Variants in RBFOX1 observed in about 807,000 individuals in gnomAD.
RBFOX1 encodes RNA binding fox-1 homolog 1, also known as RNA binding protein fox-1 homolog 1.
RBFOX1 carries 8 observed loss-of-function variants against 57.7 expected under a neutral mutation model. The ratio of observed to expected loss-of-function variants is 0.14; its 90% confidence interval spans 0.08 to 0.25. The LOEUF is 0.25. RBFOX1 is among the 10% of genes least tolerant of loss of function. The pLI, the probability that RBFOX1 is intolerant of heterozygous loss-of-function variation, is 1.00. For synonymous variants in RBFOX1, 326 were observed against 222.4 expected, an observed-to-expected ratio of 1.47 and a Z score of -4.15; for missense variants, 611 against 548.5, an observed-to-expected ratio of 1.11 and a Z score of -1.14.
intron 1 of RBFOX1, among the ~76,000 whole-genome samples, chr16:6,053,205 C>A (rs117988934): frequency 1.3e-5 from 2 of 152,138 alleles, no homozygotes; most frequent in Non-Finnish European, 1.5e-5. Context: ...CCGAGGGCTC[C>A]TGATGTAACT....
chr16:5,459,383 A>T (rs1175419090), intron 1 of RBFOX1, among the ~76,000 whole-genome samples: 1 of 152,076 alleles, frequency 6.6e-6, no homozygotes, highest in East Asian at 1.9e-4. Flanking sequence ...CCCCAGGTGG[A>T]TTTTGACACA....
At chr16:5,653,287 C>T (rs1234991691) in intron 3 of RBFOX1, among the ~76,000 whole-genome samples, 6 of 149,970 alleles carry the variant, frequency 4.0e-5, no homozygotes, top group East Asian at 2.0e-4. Context: ...GGTGCTGAGC[C>T]GTGTGCTGGG....
intron 1 of RBFOX1, among the ~76,000 whole-genome samples, chr16:6,277,964 A>G (rs942214600): frequency 2.9e-4 from 44 of 152,288 alleles, no homozygotes; most frequent in African/African-American, 1.0e-3. Flanking sequence ...TTTAATTCCA[A>G]GTAATCATTG....
chr16:5,940,875 A>C (rs1253870390), intron 4 of RBFOX1, among the ~76,000 whole-genome samples: 2 of 152,116 alleles, frequency 1.3e-5, no homozygotes, highest in East Asian at 3.9e-4. Context: ...CCCTGCGTTT[A>C]CATGTTGGGC....
chr16:5,561,836 A>T (rs1212733049), intron 2 of RBFOX1, among the ~76,000 whole-genome samples: 1 of 152,036 alleles, frequency 6.6e-6, no homozygotes, highest in Non-Finnish European at 1.5e-5. Flanking sequence ...TCCTTTTGCA[A>T]TTTAAGTTTA....
chr16:5,343,167 C>G (rs77894956), intron 1 of RBFOX1, among the ~76,000 whole-genome samples: 4,829 of 152,222 alleles, frequency 0.032, 112 homozygotes, highest in South Asian at 0.08. Flanking sequence ...CATTCATTGG[C>G]TACTCAAGAT....
intron 1 of RBFOX1, among the ~76,000 whole-genome samples, chr16:6,099,329 A>G (rs114606534): frequency 3.0e-4 from 45 of 152,316 alleles, no homozygotes; most frequent in African/African-American, 9.6e-4. Flanking sequence ...TAAAGGGTCT[A>G]TGAGAACACA....
intron 2 of RBFOX1, among the ~76,000 whole-genome samples, chr16:6,493,691 CTGAACTTCA>C (rs1320696528): frequency 2.6e-5 from 4 of 152,262 alleles, no homozygotes; most frequent in Non-Finnish European, 5.9e-5. Context: ...TTATCTCAAA[CTGAACTTCA>C]TACCTTGGGA....
chr16:7,422,825 T>G (rs1382327745), intron 4 of RBFOX1: 1 of 152,206 alleles, frequency 6.6e-6, no homozygotes, highest in East Asian at 1.9e-4. Context: ...ATTATTAATT[T>G]CCCATCCCCT....
intron 1 of RBFOX1, among the ~76,000 whole-genome samples, chr16:5,311,253 T>C (rs1206687723): frequency 6.6e-6 from 1 of 152,186 alleles, no homozygotes; most frequent in Non-Finnish European, 1.5e-5. Flanking sequence ...ATCACACACA[T>C]ATACACACAC....
intron 2 of RBFOX1, among the ~76,000 whole-genome samples, chr16:6,603,467 C>A (rs1350067691): frequency 6.6e-6 from 1 of 152,156 alleles, no homozygotes. Context: ...GATTTAAGAA[C>A]CTTGCTCTTG....
chr16:6,950,561 G>A (rs778696981), intron 3 of RBFOX1, among the ~76,000 whole-genome samples: 5 of 152,214 alleles, frequency 3.3e-5, no homozygotes, highest in Non-Finnish European at 7.3e-5. Flanking sequence ...AAATGAATGT[G>A]TGTTAGGAGA....
At chr16:7,447,424 C>G (rs1481672218) in intron 4 of RBFOX1, among the ~76,000 whole-genome samples, 1 of 98,850 alleles carries the variant, frequency 1.0e-5, no homozygotes, top group Non-Finnish European at 1.9e-5. Flanking sequence ...CCGAGTGAGT[C>G]TATCTCAAAA....
chr16:7,160,732 T>A (rs1202726122), intron 4 of RBFOX1, among the ~76,000 whole-genome samples: 2 of 152,064 alleles, frequency 1.3e-5, no homozygotes, highest in African/African-American at 4.8e-5. Context: ...AGGCAGTTTC[T>A]TAACATAGGT....
intron 1 of RBFOX1, among the ~76,000 whole-genome samples, chr16:5,465,503 G>T (rs2068924729): frequency 6.6e-6 from 1 of 152,170 alleles, no homozygotes; most frequent in African/African-American, 2.4e-5. Context: ...AAGGCTGGGA[G>T]AAACAGCTCA....
intron 3 of RBFOX1, among the ~76,000 whole-genome samples, chr16:6,976,691 T>C (rs2086946665): frequency 6.7e-6 from 1 of 148,600 alleles, no homozygotes; most frequent in Admixed American, 6.8e-5. Flanking sequence ...ATCATACCTA[T>C]AGCATACATA....
intron 2 of RBFOX1, among the ~76,000 whole-genome samples, chr16:6,399,837 A>G (rs2092996876): frequency 6.6e-6 from 1 of 152,218 alleles, no homozygotes; most frequent in Admixed American, 6.5e-5. Context: ...AGTTACAGTC[A>G]TCATGGAAGA....
At chr16:7,299,080 T>C (rs1603575160) in intron 4 of RBFOX1, among the ~76,000 whole-genome samples, 1 of 152,364 alleles carries the variant, frequency 6.6e-6, no homozygotes, top group Middle Eastern at 3.4e-3. Context: ...CTTTGAAAGA[T>C]GTGCGTATTT....
chr16:6,617,703 G>A (rs1001311407), intron 2 of RBFOX1, among the ~76,000 whole-genome samples: 1 of 152,100 alleles, frequency 6.6e-6, no homozygotes, highest in African/African-American at 2.4e-5. Context: ...GAGGGAAGGT[G>A]GGCAATAAGG....
Sources: allele counts gnomAD v4.1 joint callset (sites outside exome capture counted in the v4.1 genomes callset), GRCh38; gene constraint gnomAD v4.1.1; transcripts MANE v1.5; gene names NCBI Gene and HGNC (gene_info 2026-07-23, HGNC 2026-07-21).